CACNA1I: variants seen among roughly 807,000 people sequenced by gnomAD.
CACNA1I encodes the protein calcium voltage-gated channel subunit alpha1 I.
In CACNA1I, 74 loss-of-function variants were observed where a neutral mutation model predicts 201.6. The observed-to-expected ratio is 0.37, with a 90% CI of 0.30 to 0.45. The LOEUF is 0.45. Ranked by LOEUF, CACNA1I falls within the 20% of genes least tolerant of loss-of-function variation. CACNA1I has a pLI of 1.00. For missense variants in CACNA1I, 2,346 were observed against 3,138.1 expected, an observed-to-expected ratio of 0.75 and a Z score of 6.03; for synonymous variants, 1,431 against 1,345.2, an observed-to-expected ratio of 1.06 and a Z score of -1.40.
At chr22:39,628,930 G>A (rs1569070288) in intron 4 of CACNA1I, among the ~76,000 whole-genome samples, 2 of 152,134 alleles carry the variant, frequency 1.3e-5, no homozygotes, top group South Asian at 4.1e-4. Context: ...GACTGATCTG[G>A]GCTGACAGCT....
intron 7 of CACNA1I, among the ~76,000 whole-genome samples, chr22:39,645,232 C>T (rs1934455789): frequency 6.6e-6 from 1 of 152,214 alleles, no homozygotes; most frequent in South Asian, 2.1e-4. Flanking sequence ...AGTGATCCAC[C>T]CACTTCAGCC....
chr22:39,583,789 C>A (rs1467055595), intron 1 of CACNA1I, among the ~76,000 whole-genome samples: 1 of 152,258 alleles, frequency 6.6e-6, no homozygotes, highest in Non-Finnish European at 1.5e-5. Flanking sequence ...CCTTTTGTAT[C>A]TGGCTTATTC....
intron 24 of CACNA1I, among the ~76,000 whole-genome samples, chr22:39,669,437 G>A (rs550176864): frequency 1.2e-4 from 18 of 152,320 alleles, no homozygotes; most frequent in Admixed American, 3.9e-4. Context: ...TCTGCTGGCC[G>A]CCTTGTTTTC....
At chr22:39,620,257 ATC>A (rs1461981944) in intron 4 of CACNA1I, among the ~76,000 whole-genome samples, 19 of 135,706 alleles carry the variant, frequency 1.4e-4, no homozygotes, top group African/African-American at 5.0e-4. Flanking sequence ...CCATCCATCC[ATC>A]CATCCATCCA....
chr22:39,598,672 C>T (rs987939793), intron 2 of CACNA1I, among the ~76,000 whole-genome samples: 90 of 152,274 alleles, frequency 5.9e-4, no homozygotes, highest in African/African-American at 2.1e-3. Context: ...ACAACCTGCA[C>T]TTCGTCCCCC....
intron 3 of CACNA1I, among the ~76,000 whole-genome samples, chr22:39,606,451 G>A (rs1333164261): frequency 1.3e-5 from 2 of 152,208 alleles, no homozygotes; most frequent in African/African-American, 4.8e-5. Context: ...AGTGAGTCCT[G>A]TGGCACCGCA....
In CACNA1I at chr22:39,686,719, A is replaced by T. The variant is rs1358788183; in HGVS notation, c.*314A>T. ...TTATTTTTTTTACTGAGAGCTTATG[A>T]CTTCCAGAAAGTGCTAAAGGTGGGA... On this transcript the variant is annotated 3_prime_UTR_variant, in exon 37 of 37. Coordinates refer to ENST00000402142, the MANE Select transcript of CACNA1I (RefSeq NM_021096.4). 6.7e-6 allele frequency: 1 copy of T among 149,066 alleles called. No homozygotes were observed. Among genetic ancestry groups the T allele is most frequent in the African/African-American group, 2.5e-5 (1 of 40,652 alleles). The allele number at this position is 149,066 out of a possible 1,614,324, so 9.2% of individuals were successfully genotyped here.
chr22:39,666,094 A>G lies in CACNA1I; in HGVS notation c.4104+88A>G. 1 of 1,459,080 alleles carries G rather than the reference A, an allele frequency of 6.9e-7. No homozygotes were observed. Among genetic ancestry groups the G allele is most frequent in the African/African-American group, 1.4e-5 (1 of 71,460 alleles). 90.4% of individuals were successfully genotyped at this position (1,459,080 alleles called of 1,614,324 possible). On this transcript the variant is annotated intron_variant, in intron 23 of 36. Transcript: ENST00000402142. The surrounding 1 kb of genome is among the most constrained non-coding windows in gnomAD (Gnocchi z 4.1). ...GAATCACAGACCTGGCTTGTCTTGC[A>G]CTGCCAGGACTGACACTGACTTCTC...
At chr22:39,633,097 C>G (rs566597880) in intron 4 of CACNA1I, among the ~76,000 whole-genome samples, 47 of 152,122 alleles carry the variant, frequency 3.1e-4, no homozygotes, top group Non-Finnish European at 7.4e-5. Flanking sequence ...ACACAACCAT[C>G]TGGACAGGGC....
In CACNA1I at chr22:39,677,401, G is replaced by A; in HGVS notation, c.4915G>A (p.Glu1639Lys). Residue 1639 changes from glutamate to lysine, a missense_variant, in exon 30 of 37, where the codon GAG (glutamate) becomes AAG (lysine). Coordinates refer to ENST00000402142, the MANE Select transcript of CACNA1I (RefSeq NM_021096.4). This position sits in a 1 kb window ranked among gnomAD's most constrained non-coding sequence, Gnocchi z 4.8. ...LFFIYAALGV[E>K]LFGKLVCNDE... The stretch of plus-strand genomic sequence containing the variant: ...CTTCATCTATGCTGCTCTCGGGGTG[G>A]AGCTCTTTGGGAAGCTGGGTGAGTG... The A allele has an allele frequency of 6.3e-7, 1 of 1,586,846 alleles. No homozygotes were observed. The highest frequency in any genetic ancestry group is 8.6e-7 in the Non-Finnish European group (1 of 1,168,732).
At position 39,605,268 on chromosome 22, in the gene CACNA1I, G is replaced by A. The variant is rs116748013; in HGVS notation, c.482+4615G>A. ...AGTTAGAAGGTTCCTTAGAGGTCAC[G>A]GCCTTCATCTCCACATCTGGTGTAA... On this transcript the variant is annotated intron_variant, in intron 3 of 36. Coordinates refer to ENST00000402142, the MANE Select transcript of CACNA1I (RefSeq NM_021096.4). 2.4e-3 allele frequency among the ~76,000 whole-genome samples: 362 copies of A among 152,216 alleles called. 2 individuals are homozygous for A. The highest frequency in any genetic ancestry group is 7.8e-3 in the African/African-American group (322 of 41,532).
At chr22:39,577,460 T>G (rs1461261303) in intron 1 of CACNA1I, among the ~76,000 whole-genome samples, 1 of 152,258 alleles carries the variant, frequency 6.6e-6, no homozygotes, top group Non-Finnish European at 1.5e-5. Flanking sequence ...GGTCTCCTCA[T>G]GGCCCCTCGA....
chr22:39,612,602 T>C (rs2146384342), intron 3 of CACNA1I, among the ~76,000 whole-genome samples: 1 of 152,290 alleles, frequency 6.6e-6, no homozygotes, highest in South Asian at 2.1e-4. Flanking sequence ...TCCCTTTGCC[T>C]GTTTTAAAAA....
chr22:39,633,064 C>T (rs1398478325), intron 4 of CACNA1I, among the ~76,000 whole-genome samples: 5 of 152,138 alleles, frequency 3.3e-5, no homozygotes, highest in African/African-American at 1.2e-4. Context: ...CATTAATAAG[C>T]ACCTCAGGCT....
chr22:39,585,712 A>C (rs1164062320), intron 1 of CACNA1I, among the ~76,000 whole-genome samples: 17 of 142,162 alleles, frequency 1.2e-4, no homozygotes, highest in Non-Finnish European at 2.3e-4. Context: ...AAAAAAAAAA[A>C]AAAAAACTTT....
intron 4 of CACNA1I, among the ~76,000 whole-genome samples, chr22:39,621,743 A>G (rs956536819): frequency 6.6e-6 from 1 of 151,886 alleles, no homozygotes; most frequent in Non-Finnish European, 1.5e-5. Context: ...AGGTAGGGCA[A>G]GTGAGTAGTG....
intron 3 of CACNA1I, among the ~76,000 whole-genome samples, chr22:39,608,949 C>G (rs1387037865): frequency 1.3e-5 from 2 of 152,202 alleles, no homozygotes; most frequent in African/African-American, 4.8e-5. Context: ...AGAATTGTTC[C>G]TCAGCTCTGG....
intron 32 of CACNA1I, 112 bp from the exon 33 acceptor site, chr22:39,679,610 A>C: frequency 8.6e-7 from 1 of 1,160,862 alleles, no homozygotes; most frequent in South Asian, 1.5e-5. Context: ...GGTCGGTCCC[A>C]GGCCATGGGC....
rs958903675 is a variant in CACNA1I at position 39,684,154 on chromosome 22, A to AG, written c.5831-142dup. 3.1e-6 allele frequency: 2 copies of AG among 647,394 alleles called. No individual in the cohort carries two copies. Among genetic ancestry groups the AG allele is most frequent in the Non-Finnish European group, 5.4e-6 (2 of 370,752 alleles). The allele number at this position is 647,394 out of a possible 1,614,324, so 40.1% of individuals were successfully genotyped here. A position where few individuals can be genotyped will look rare whatever the true frequency, so the allele number is the denominator to read the frequency against. On this transcript the variant is annotated intron_variant, in intron 35 of 36. Transcript: ENST00000402142. This position sits in a 1 kb window ranked among gnomAD's most constrained non-coding sequence, Gnocchi z 4.6. Reference sequence around the variant, plus strand: ...ACAATGGGGAAACGAAGGCTTAGAGAGGGGGGACTTGTCCACAGTCTCACA... The same window carrying AG: ...ACAATGGGGAAACGAAGGCTTAGAGAGGGGGGGACTTGTCCACAGTCTCACA...
Sources: allele counts gnomAD v4.1 joint callset (sites outside exome capture counted in the v4.1 genomes callset), GRCh38; gene constraint gnomAD v4.1.1; non-coding constraint Gnocchi (gnomAD v3.1); transcripts MANE v1.5; gene names NCBI Gene and HGNC (gene_info 2026-07-23, HGNC 2026-07-21).